ENOX1: variants seen among roughly 807,000 people sequenced by gnomAD.
The protein encoded by ENOX1 is ecto-NOX disulfide-thiol exchanger 1, also known as candidate growth-related and time keeping constitutive hydroquinone (NADH) oxidase.
A neutral mutation model predicts 82.5 loss-of-function variants in ENOX1; 42 were observed. That is an observed-to-expected ratio of 0.51 (90% CI 0.40 to 0.66). The LOEUF is 0.66. ENOX1 is among the 30% of genes least tolerant of loss of function. The pLI, the probability that ENOX1 is intolerant of heterozygous loss-of-function variation, is 0.00. For missense variants in ENOX1, 608 were observed against 811.6 expected, an observed-to-expected ratio of 0.75 and a Z score of 3.05; for synonymous variants, 271 against 282.2, an observed-to-expected ratio of 0.96 and a Z score of 0.40.
chr13:43,340,813 G>A (rs2049005967), intron 9 of ENOX1, among the ~76,000 whole-genome samples: 1 of 152,146 alleles, frequency 6.6e-6, no homozygotes. Flanking sequence ...CCTGTCTTCT[G>A]ATCTACTCAT....
intron 2 of ENOX1, among the ~76,000 whole-genome samples, chr13:43,600,021 C>T (rs539699133): frequency 5.3e-5 from 8 of 151,956 alleles, no homozygotes; most frequent in Admixed American, 3.9e-4. Flanking sequence ...AGCAGTAGGA[C>T]CCAGGCACTA....
chr13:43,280,789 C>T (rs938073774), intron 12 of ENOX1, among the ~76,000 whole-genome samples: 2 of 152,182 alleles, frequency 1.3e-5, no homozygotes, highest in Admixed American at 6.5e-5. Flanking sequence ...AGGAGAATCA[C>T]ACATTTAGGA....
chr13:43,311,530 C>A, intron 11 of ENOX1, among the ~76,000 whole-genome samples: 1 of 152,102 alleles, frequency 6.6e-6, no homozygotes, highest in East Asian at 1.9e-4. Flanking sequence ...TCTCACACTT[C>A]TTTATGTTAG....
intron 1 of ENOX1, among the ~76,000 whole-genome samples, chr13:43,680,365 G>C (rs1207147621): frequency 6.6e-6 from 1 of 152,212 alleles, no homozygotes; most frequent in Non-Finnish European, 1.5e-5. Context: ...CCCAGGGCAA[G>C]AGAAGTCATG....
rs540137599 is a variant in ENOX1 at position 43,300,017 on chromosome 13, AAT to A, written c.1262-1489_1262-1488del. 2.7e-4 allele frequency among the ~76,000 whole-genome samples: 41 copies of A among 152,346 alleles called. 1 individual carries two copies. In the South Asian group the frequency reaches 8.3e-3, roughly 31 times the overall value. Reference sequence around the variant, plus strand: ...ATATCAAATGTCAAATTATGTTAATAATAGTTTTATAGTTGAGTGTTTTACAG... The same window carrying A: ...ATATCAAATGTCAAATTATGTTAATAAGTTTTATAGTTGAGTGTTTTACAG... On this transcript the variant is annotated intron_variant, in intron 11 of 16. Transcript: ENST00000690772.
intron 15 of ENOX1, among the ~76,000 whole-genome samples, chr13:43,226,148 GT>G (rs1192004425): frequency 6.6e-6 from 1 of 152,114 alleles, no homozygotes; most frequent in African/African-American, 2.4e-5. Context: ...TTCTGGTGAA[GT>G]GGCATTCTAA....
intron 5 of ENOX1, among the ~76,000 whole-genome samples, chr13:43,400,237 C>T (rs1260731845): frequency 6.6e-6 from 1 of 152,116 alleles, no homozygotes; most frequent in African/African-American, 2.4e-5. Flanking sequence ...CCAGTGAAAC[C>T]TTCAAGGGTT....
At chr13:43,783,849 A>G (rs1055999370) in intron 1 of ENOX1, among the ~76,000 whole-genome samples, 2 of 150,538 alleles carry the variant, frequency 1.3e-5, no homozygotes, top group Non-Finnish European at 3.0e-5. Context: ...CTTAAAAAAC[A>G]TCCAAAAAAA....
intron 5 of ENOX1, among the ~76,000 whole-genome samples, chr13:43,406,426 T>C (rs1378782907): frequency 6.6e-6 from 1 of 152,018 alleles, no homozygotes; most frequent in East Asian, 1.9e-4. Context: ...AGAAGTCTTT[T>C]GTTGGCTCCA....
chr13:43,530,142 T>C (rs922462212), intron 2 of ENOX1, among the ~76,000 whole-genome samples: 99 of 152,248 alleles, frequency 6.5e-4, no homozygotes, highest in Middle Eastern at 6.8e-3. Context: ...CCAATGTTCA[T>C]AGTATTTCAA....
intron 2 of ENOX1, among the ~76,000 whole-genome samples, chr13:43,507,043 T>C (rs1243741497): frequency 6.6e-6 from 1 of 151,902 alleles, no homozygotes; most frequent in African/African-American, 2.4e-5. Flanking sequence ...TTTAAAACTC[T>C]AAAAACATAA....
chr13:43,738,849 A>C (rs1221198385), intron 1 of ENOX1, among the ~76,000 whole-genome samples: 2 of 152,166 alleles, frequency 1.3e-5, no homozygotes, highest in African/African-American at 2.4e-5. Flanking sequence ...ATTGCCTTTT[A>C]CCTGGCCCAT....
At chr13:43,358,890 T>C (rs116857292) in intron 7 of ENOX1, among the ~76,000 whole-genome samples, 1 of 152,342 alleles carries the variant, frequency 6.6e-6, no homozygotes, top group East Asian at 1.9e-4. Flanking sequence ...TTCTACTTTG[T>C]AAGGTTTTAC....
At chr13:43,766,426 C>A (rs910863847) in intron 1 of ENOX1, among the ~76,000 whole-genome samples, 2 of 152,154 alleles carry the variant, frequency 1.3e-5, no homozygotes, top group African/African-American at 4.8e-5. Context: ...AAGGCTACTG[C>A]TGTAACAATA....
At chr13:43,667,857 G>A (rs2153789034) in intron 1 of ENOX1, among the ~76,000 whole-genome samples, 1 of 152,272 alleles carries the variant, frequency 6.6e-6, no homozygotes, top group South Asian at 2.1e-4. Flanking sequence ...CAGTGCTAGG[G>A]CCAGGGCCTC....
chr13:43,496,674 A>T (rs1593490717), intron 2 of ENOX1, among the ~76,000 whole-genome samples: 1 of 152,042 alleles, frequency 6.6e-6, no homozygotes, highest in African/African-American at 2.4e-5. Flanking sequence ...GAGTCACCAC[A>T]CCCAGCCTCC....
At chr13:43,465,443 G>A (rs986724254) in intron 3 of ENOX1, among the ~76,000 whole-genome samples, 1 of 151,406 alleles carries the variant, frequency 6.6e-6, no homozygotes, top group Admixed American at 6.6e-5. Flanking sequence ...TTTGTTTTTT[G>A]AGCACTTATT....
At chr13:43,434,399 G>A (rs2055869457) in intron 3 of ENOX1, among the ~76,000 whole-genome samples, 1 of 152,154 alleles carries the variant, frequency 6.6e-6, no homozygotes, top group South Asian at 2.1e-4. Flanking sequence ...CCTCCCACAC[G>A]CCAGTGCTCA....
chr13:43,579,335 T>G (rs2080596081), intron 2 of ENOX1, among the ~76,000 whole-genome samples: 1 of 152,212 alleles, frequency 6.6e-6, no homozygotes, highest in African/African-American at 2.4e-5. Flanking sequence ...ATGGAGATAT[T>G]AGAAAGAAGA....
Sources: gnomAD v4.1 joint callset for allele counts (sites outside exome capture counted in the v4.1 genomes callset) on GRCh38, gnomAD v4.1.1 for gene constraint, MANE v1.5 for transcripts, NCBI Gene and HGNC (gene_info 2026-07-23, HGNC 2026-07-21) for gene names.